Variants in FRMD4B observed in about 807,000 individuals in gnomAD.
The protein encoded by FRMD4B is FERM domain-containing protein 4B.
FRMD4B carries 74 observed loss-of-function variants against 141.5 expected under a neutral mutation model. That is an observed-to-expected ratio of 0.52 (90% CI 0.43 to 0.63). The LOEUF (loss-of-function observed/expected upper bound fraction) is 0.63. Among genes scored for constraint, FRMD4B ranks in the 30% least tolerant of loss-of-function variants. FRMD4B has a pLI of 0.00. For missense variants in FRMD4B, 1,366 were observed against 1,253.4 expected, an observed-to-expected ratio of 1.09 and a Z score of -1.36; for synonymous variants, 506 against 467.9, an observed-to-expected ratio of 1.08 and a Z score of -1.05.
chr3:69,462,735 C>T (rs914916225), intron 1 of FRMD4B, among the ~76,000 whole-genome samples: 1 of 152,228 alleles, frequency 6.6e-6, no homozygotes, highest in Non-Finnish European at 1.5e-5. Context: ...TGCTGTACAG[C>T]CAGGTAGCCA....
chr3:69,177,750 C>T (rs1198041899), intron 21 of FRMD4B, among the ~76,000 whole-genome samples: 1 of 152,100 alleles, frequency 6.6e-6, no homozygotes, highest in East Asian at 1.9e-4. Context: ...CCCATTCACG[C>T]TATGGTGTTA....
In FRMD4B at chr3:69,467,711, C is replaced by T. The variant is rs76664756; in HGVS notation, c.-128-34950G>A. ...CAGCTCTTCTCAATCCTAGTATATA[C>T]CTCCCAACTCCAGAAGAAGAATATG... is the stretch of plus-strand genomic sequence containing the variant. On this transcript the variant is annotated intron_variant, in intron 1 of 5. Coordinates refer to the FRMD4B transcript ENST00000459638. 2.4e-4 allele frequency among the ~76,000 whole-genome samples: 37 copies of T among 152,252 alleles called. No individual in the cohort carries two copies. The East Asian group carries it at 6.8e-3, about 28-fold the overall frequency.
At chr3:69,250,170 G>C in intron 5 of FRMD4B, 71 bp from the exon 6 acceptor site, 1 of 1,054,190 alleles carries the variant, frequency 9.5e-7, no homozygotes. Flanking sequence ...CTCTGAAGTT[G>C]AGGAAGCTGT....
At chr3:69,190,884 G>A (rs2092828191) in intron 17 of FRMD4B, among the ~76,000 whole-genome samples, 1 of 152,138 alleles carries the variant, frequency 6.6e-6, no homozygotes, top group South Asian at 2.1e-4. Flanking sequence ...TGAGACCTTG[G>A]GCAAATTACT....
At chr3:69,189,853 G>A in intron 18 of FRMD4B, 43 bp downstream of exon 18, 1 of 1,178,796 alleles carries the variant, frequency 8.5e-7, no homozygotes, top group Non-Finnish European at 1.3e-6. Flanking sequence ...AATTATTTCA[G>A]AATATCTAAC....
intron 2 of FRMD4B, among the ~76,000 whole-genome samples, chr3:69,428,765 G>A (rs144584170): frequency 1.4e-3 from 218 of 152,110 alleles, no homozygotes; most frequent in African/African-American, 4.8e-3. Context: ...TCACATTGTT[G>A]TGCAACCATC....
chr3:69,179,879 CA>C (rs1193716999), intron 21 of FRMD4B, among the ~76,000 whole-genome samples: 1 of 152,174 alleles, frequency 6.6e-6, no homozygotes, highest in East Asian at 1.9e-4. Context: ...TGTGGCTGCT[CA>C]TTTGCTGAAT....
At chr3:69,268,995 C>G (rs547965089) in intron 5 of FRMD4B, among the ~76,000 whole-genome samples, 8 of 148,400 alleles carry the variant, frequency 5.4e-5, no homozygotes, top group Non-Finnish European at 1.2e-4. Flanking sequence ...ATGGGGCGAT[C>G]TTGGCTCACT....
chr3:69,426,108 G>A (rs1190985065), intron 2 of FRMD4B, among the ~76,000 whole-genome samples: 2 of 152,050 alleles, frequency 1.3e-5, no homozygotes, highest in Non-Finnish European at 2.9e-5. Flanking sequence ...TTTAAAACAG[G>A]GCATATGCCA....
At chr3:69,541,947 G>A (rs1378523567) in intron 1 of FRMD4B, among the ~76,000 whole-genome samples, 2 of 151,692 alleles carry the variant, frequency 1.3e-5, no homozygotes, top group African/African-American at 2.4e-5. Context: ...CCTCGAAACC[G>A]CCAAACTTCC....
chr3:69,356,294 A>G (rs1703321320), intron 1 of FRMD4B, among the ~76,000 whole-genome samples: 1 of 152,152 alleles, frequency 6.6e-6, no homozygotes, highest in Non-Finnish European at 1.5e-5. Context: ...GTGGGCTGGG[A>G]AAGGCAGACC....
At chr3:69,199,008 C>G (rs1198405641) in intron 11 of FRMD4B, 1 of 436,208 alleles carries the variant, frequency 2.3e-6, no homozygotes, top group Non-Finnish European at 4.2e-6. Context: ...CGGTGGCTCA[C>G]GCCTGTAATC....
chr3:69,180,784 T>G lies in FRMD4B; in HGVS notation c.2851+115A>C. On this transcript the variant is annotated intron_variant, in intron 21 of 22. Transcript: ENST00000398540. ...CTTATTGTGGGGTTCCACCGAATGG[T>G]TGCCCCACTTTTGACCCTGAGTACT... 5 of 686,658 alleles carry G rather than the reference T, an allele frequency of 7.3e-6. No individual in the cohort carries two copies. The Admixed American group carries it at 1.4e-4, about 19-fold the overall frequency. 42.5% of individuals were successfully genotyped at this position (686,658 alleles called of 1,614,324 possible). A position where few individuals can be genotyped will look rare whatever the true frequency, so the allele number is the denominator to read the frequency against.
At chr3:69,251,589 C>G (rs1174050201) in intron 5 of FRMD4B, among the ~76,000 whole-genome samples, 3 of 152,236 alleles carry the variant, frequency 2.0e-5, no homozygotes, top group Non-Finnish European at 1.5e-5. Flanking sequence ...ATTTCATCCT[C>G]TAACACACAG....
At chr3:69,409,113 C>G (rs1022461856) in intron 2 of FRMD4B, among the ~76,000 whole-genome samples, 1 of 152,132 alleles carries the variant, frequency 6.6e-6, no homozygotes, top group African/African-American at 2.4e-5. Context: ...GGAAAGGGAG[C>G]CTGTAGTCAT....
intron 1 of FRMD4B, among the ~76,000 whole-genome samples, chr3:69,500,007 GA>G (rs1328366904): frequency 6.6e-6 from 1 of 152,214 alleles, no homozygotes; most frequent in Non-Finnish European, 1.5e-5. Flanking sequence ...CTGGGTTCCA[GA>G]AGGGGATCTG....
chr3:69,511,326 TCA>T lies in FRMD4B; in HGVS notation c.-129+30878_-129+30879del, dbSNP rs550003445. The stretch of plus-strand genomic sequence containing the variant: ...AAAGAATTTATAATTTTTTTAATGT[TCA>T]GGTTGCCTTTGTTTAAAATGTGCCA... On this transcript the variant is annotated intron_variant, in intron 1 of 5. Coordinates refer to the FRMD4B transcript ENST00000459638. Among the ~76,000 whole-genome samples, 31 of 152,326 alleles carry T rather than the reference TCA, an allele frequency of 2.0e-4. No individual in the cohort carries two copies. The South Asian group carries it at 5.8e-3, about 28-fold the overall frequency.
At chr3:69,394,246 T>G (rs914249041) in intron 2 of FRMD4B, among the ~76,000 whole-genome samples, 2 of 152,226 alleles carry the variant, frequency 1.3e-5, no homozygotes, top group Non-Finnish European at 2.9e-5. Context: ...TTTCAGCCCC[T>G]TATAAAGGCA....
At chr3:69,313,402 C>A (rs1260206562) in intron 2 of FRMD4B, 50 bp downstream of exon 2, 2 of 1,309,334 alleles carry the variant, frequency 1.5e-6, no homozygotes, top group Admixed American at 3.9e-5. Context: ...GAGGGTAAAA[C>A]CTACCTGGGC....
Sources: allele counts gnomAD v4.1 joint callset (sites outside exome capture counted in the v4.1 genomes callset), GRCh38; gene constraint gnomAD v4.1.1; transcripts MANE v1.5; gene names NCBI Gene and HGNC (gene_info 2026-07-23, HGNC 2026-07-21).